PRDM16: variants seen among roughly 807,000 people sequenced by gnomAD.
The protein encoded by PRDM16 is histone-lysine N-methyltransferase PRDM16.
In PRDM16, 23 loss-of-function variants were observed where a neutral mutation model predicts 110.6. The ratio of observed to expected loss-of-function variants is 0.21; its 90% CI spans 0.15 to 0.29. The LOEUF is 0.29. Ranked by LOEUF, PRDM16 falls within the 10% of genes least tolerant of loss-of-function variation. The pLI is 1.00. For missense variants in PRDM16, 1,615 were observed against 1,794.3 expected (o/e 0.90, Z 1.81); for synonymous variants, 799 against 781.8 (o/e 1.02, Z -0.37).
chr1:3,089,751 T>G (rs926243), intron 1 of PRDM16, among the ~76,000 whole-genome samples: 13,303 of 152,234 alleles, frequency 0.087, 738 homozygotes, highest in Non-Finnish European at 0.13. Flanking sequence ...GATCCAGGAC[T>G]TGCATCCCGA....
At chr1:3,418,988 G>A (rs566714168) in intron 12 of PRDM16, among the ~76,000 whole-genome samples, 1 of 152,144 alleles carries the variant, frequency 6.6e-6, no homozygotes, top group Non-Finnish European at 1.5e-5. Context: ...TCTCAAAGAT[G>A]TGAGGGAGCA....
chr1:3,400,588 G>T (rs74048429), intron 5 of PRDM16, among the ~76,000 whole-genome samples: 2 of 152,164 alleles, frequency 1.3e-5, no homozygotes, highest in African/African-American at 2.4e-5. Context: ...AGCCTTCCCC[G>T]GAGAGGTTTG....
intron 15 of PRDM16, 148 bp downstream of exon 15, chr1:3,431,256 C>A: frequency 7.4e-7 from 1 of 1,349,192 alleles, no homozygotes; most frequent in Non-Finnish European, 9.9e-7. Context: ...CACACACAGG[C>A]CAGGGCAAGG....
chr1:3,279,144 G>A (rs1257869799), intron 3 of PRDM16, among the ~76,000 whole-genome samples: 1 of 152,178 alleles, frequency 6.6e-6, no homozygotes, highest in African/African-American at 2.4e-5. Context: ...CGAGTCCGGG[G>A]ATGCAGTTGG....
At chr1:3,124,858 C>G (rs577543070) in intron 1 of PRDM16, among the ~76,000 whole-genome samples, 2 of 152,272 alleles carry the variant, frequency 1.3e-5, no homozygotes, top group East Asian at 3.9e-4. Context: ...ACAGCCCCCT[C>G]CCTGCTCCCA....
chr1:3,308,990 G>A (rs945344857), intron 3 of PRDM16: 7 of 152,322 alleles, frequency 4.6e-5, no homozygotes, highest in Non-Finnish European at 5.9e-5. Flanking sequence ...CGGTGAACCC[G>A]ACATTCCCTA....
At chr1:3,181,692 G>GGTCTTACACATGCA (rs1644198946) in intron 1 of PRDM16, among the ~76,000 whole-genome samples, 34 of 91,092 alleles carry the variant, frequency 3.7e-4, no homozygotes, top group East Asian at 1.3e-3. Context: ...TCTTACACAC[G>GGTCTTACACATGCA]GTCTTACACA....
intron 2 of PRDM16, among the ~76,000 whole-genome samples, chr1:3,231,683 G>A (rs1412038422): frequency 6.6e-6 from 1 of 152,256 alleles, no homozygotes; most frequent in Non-Finnish European, 1.5e-5. Context: ...CTCCAGGGCA[G>A]GTGGCCTTGG....
At chr1:3,317,339 T>C (rs1641631592) in intron 3 of PRDM16, among the ~76,000 whole-genome samples, 1 of 152,180 alleles carries the variant, frequency 6.6e-6, no homozygotes, top group African/African-American at 2.4e-5. Context: ...AGCTGGGCCC[T>C]CACCGAGGCT....
At chr1:3,140,514 C>G (rs894133320) in intron 1 of PRDM16, among the ~76,000 whole-genome samples, 1 of 152,230 alleles carries the variant, frequency 6.6e-6, no homozygotes, top group African/African-American at 2.4e-5. Context: ...ATGGTTTCCA[C>G]TCCCTCGCTG....
intron 3 of PRDM16, among the ~76,000 whole-genome samples, chr1:3,317,179 T>G (rs1315210053): frequency 2.0e-5 from 3 of 152,118 alleles, no homozygotes. Context: ...GTGTGACCAG[T>G]GTGAGGATGA....
chr1:3,197,612 A>G (rs1370568863), intron 2 of PRDM16, among the ~76,000 whole-genome samples: 2 of 152,242 alleles, frequency 1.3e-5, no homozygotes, highest in Admixed American at 6.5e-5. Flanking sequence ...AAGAATCTAC[A>G]GTACAGATCA....
chr1:3,169,806 G>T (rs1644004621), intron 1 of PRDM16, among the ~76,000 whole-genome samples: 1 of 152,190 alleles, frequency 6.6e-6, no homozygotes, highest in African/African-American at 2.4e-5. Flanking sequence ...CCGAGCCTCG[G>T]GCCCTCTCCC....
chr1:3,408,741 G>A (rs529319210), intron 8 of PRDM16, among the ~76,000 whole-genome samples: 56 of 140,258 alleles, frequency 4.0e-4, no homozygotes, highest in African/African-American at 1.5e-3. Flanking sequence ...CGCGTGAGCC[G>A]GTGCATGTGT....
intron 1 of PRDM16, among the ~76,000 whole-genome samples, chr1:3,174,805 C>G (rs1048387165): frequency 6.6e-5 from 10 of 152,186 alleles, no homozygotes; most frequent in Admixed American, 3.3e-4. Context: ...GCTTCATCAG[C>G]CCTGCAGCTG....
intron 8 of PRDM16, among the ~76,000 whole-genome samples, chr1:3,406,873 G>A (rs142128485): frequency 1.3e-5 from 2 of 152,338 alleles, no homozygotes; most frequent in Non-Finnish European, 2.9e-5. Context: ...CTGTCTGCTG[G>A]GCCTTGTGCC....
chr1:3,225,118 G>C (rs956950451), intron 2 of PRDM16, among the ~76,000 whole-genome samples: 4 of 151,878 alleles, frequency 2.6e-5, no homozygotes, highest in African/African-American at 9.7e-5. Context: ...TAGAGTTTAA[G>C]GTCATATATG....
At chr1:3,410,005 C>T (rs1643654670) in intron 8 of PRDM16, among the ~76,000 whole-genome samples, 3 of 103,070 alleles carry the variant, frequency 2.9e-5, no homozygotes, top group Admixed American at 1.1e-4. Context: ...GGGGGGTGTG[C>T]ATGTGTGTGT....
At chr1:3,260,448 C>T (rs887556927) in intron 3 of PRDM16, among the ~76,000 whole-genome samples, 1 of 152,040 alleles carries the variant, frequency 6.6e-6, no homozygotes, top group African/African-American at 2.4e-5. Context: ...TTAATTTCTT[C>T]GTCTGTAAAG....
Sources: gnomAD v4.1 joint callset for allele counts (sites outside exome capture counted in the v4.1 genomes callset) on GRCh38, gnomAD v4.1.1 for gene constraint, MANE v1.5 for transcripts, NCBI Gene and HGNC (gene_info 2026-07-23, HGNC 2026-07-21) for gene names.